Variants in TRIM33 observed in about 807,000 individuals in gnomAD.
TRIM33 encodes the protein E3 ubiquitin-protein ligase TRIM33.
TRIM33 carries 20 observed loss-of-function variants against 125.4 expected under a neutral mutation model. That is an observed-to-expected ratio of 0.16 (90% CI 0.11 to 0.23). The LOEUF is 0.23. TRIM33 is among the 10% of genes least tolerant of loss of function. The probability of loss-of-function intolerance (pLI) is 1.00; values close to 1 mark genes in which losing one functional copy is unlikely to be tolerated. For missense variants in TRIM33, 920 were observed against 1,411.4 expected, an observed-to-expected ratio of 0.65 and a Z score of 5.58; for synonymous variants, 564 against 513.9, an observed-to-expected ratio of 1.10 and a Z score of -1.32.
chr1:114,478,895 A>C (rs1363400465), intron 1 of TRIM33, among the ~76,000 whole-genome samples: 1 of 152,150 alleles, frequency 6.6e-6, no homozygotes, highest in African/African-American at 2.4e-5. Context: ...AAAAACACAA[A>C]AAATTAGCCA....
At chr1:114,438,452 A>G (rs1648445312) in intron 4 of TRIM33, among the ~76,000 whole-genome samples, 1 of 152,172 alleles carries the variant, frequency 6.6e-6, no homozygotes, top group Non-Finnish European at 1.5e-5. Flanking sequence ...CACTCACTCC[A>G]TCCCTTAGAC....
At chr1:114,432,643 G>A (rs1322012181) in intron 5 of TRIM33, among the ~76,000 whole-genome samples, 3 of 152,072 alleles carry the variant, frequency 2.0e-5, no homozygotes, top group Non-Finnish European at 2.9e-5. Context: ...AAAATTAGCC[G>A]AGCATGGTGG....
chr1:114,459,624 T>C (rs1289894488), intron 4 of TRIM33, among the ~76,000 whole-genome samples: 2 of 152,092 alleles, frequency 1.3e-5, no homozygotes, highest in Non-Finnish European at 1.5e-5. Context: ...TTAAATAAAA[T>C]GTTGTCTAGT....
rs538515305 is a variant in TRIM33, at chr1:114,487,669, G to A, written c.526+22882C>T. On this transcript the variant is annotated intron_variant, in intron 1 of 19. Transcript: ENST00000358465. ...TCCCAGCACTTTGGGAGGCCGAGGC[G>A]GGTGGATCATGAGGTCAGGAGATCG... Among the ~76,000 whole-genome samples, 38 of 150,538 alleles carry A rather than the reference G, an allele frequency of 2.5e-4. 1 individual carries two copies. The South Asian group carries it at 6.5e-3, about 26-fold the overall frequency.
At chr1:114,487,346 A>G (rs1220319075) in intron 1 of TRIM33, among the ~76,000 whole-genome samples, 1 of 151,518 alleles carries the variant, frequency 6.6e-6, no homozygotes, top group Non-Finnish European at 1.5e-5. Flanking sequence ...GGCCAAAAAA[A>G]AAAAAAAAAA....
chr1:114,456,983 G>A (rs1649666185), intron 4 of TRIM33, among the ~76,000 whole-genome samples: 1 of 152,138 alleles, frequency 6.6e-6, no homozygotes, highest in Non-Finnish European at 1.5e-5. Context: ...ATACTCAACA[G>A]AGAAAGAAAA....
intron 11 of TRIM33, among the ~76,000 whole-genome samples, chr1:114,410,579 C>T (rs1652519841): frequency 6.6e-6 from 1 of 152,168 alleles, no homozygotes; most frequent in South Asian, 2.1e-4. Flanking sequence ...AGCTGACATG[C>T]TCTGACACTT....
chr1:114,479,636 C>T (rs1408164860), intron 1 of TRIM33, among the ~76,000 whole-genome samples: 1 of 152,114 alleles, frequency 6.6e-6, no homozygotes. Flanking sequence ...GTCAGGATGA[C>T]AGGAAATAAA....
At chr1:114,467,925 TAGAG>T (rs771619242) in intron 1 of TRIM33, among the ~76,000 whole-genome samples, 60 of 152,268 alleles carry the variant, frequency 3.9e-4, no homozygotes, top group Non-Finnish European at 4.6e-4. Context: ...TATTTTCAGA[TAGAG>T]AGGGGAGTTG....
At chr1:114,415,540 TA>T (rs544791725) in intron 11 of TRIM33, among the ~76,000 whole-genome samples, 56 of 151,800 alleles carry the variant, frequency 3.7e-4, no homozygotes, top group African/African-American at 1.3e-3. Flanking sequence ...TTATCTCATA[TA>T]AAGTTTATTC....
chr1:114,481,310 T>A (rs567183200), intron 1 of TRIM33, among the ~76,000 whole-genome samples: 1 of 152,126 alleles, frequency 6.6e-6, no homozygotes, highest in African/African-American at 2.4e-5. Context: ...ATTAAAACCA[T>A]AGGCCAGATG....
intron 1 of TRIM33, 143 bp from the exon 2 acceptor site, chr1:114,464,531 A>ATT: frequency 2.1e-6 from 1 of 478,052 alleles, no homozygotes; most frequent in Non-Finnish European, 3.7e-6. Flanking sequence ...CCAGCGAGTT[A>ATT]TTCCATTTGG....
chr1:114,440,910 G>A (rs1025343563), intron 4 of TRIM33, among the ~76,000 whole-genome samples: 1 of 152,156 alleles, frequency 6.6e-6, no homozygotes, highest in African/African-American at 2.4e-5. Context: ...CAATCACAAC[G>A]CACATTTTTA....
rs200753721 is a variant in TRIM33 at position 114,462,020 on chromosome 1, AT to A, written c.923+1083del. Among the ~76,000 whole-genome samples, 920 of 152,312 alleles carry A rather than the reference AT, an allele frequency of 6.0e-3. 3 individuals carry two copies. The highest frequency in any genetic ancestry group is 0.013 in the African/African-American group (524 of 41,562). ...ATACCCTATGGAAGAAAATGAGCAT[AT>A]GGGTTAAGAAGAGATCTGGAGTCTG... On this transcript the variant is annotated intron_variant, in intron 4 of 19. Transcript: ENST00000358465.
intron 4 of TRIM33, among the ~76,000 whole-genome samples, chr1:114,453,170 C>A (rs529700178): frequency 7.9e-5 from 12 of 152,114 alleles, no homozygotes; most frequent in African/African-American, 2.4e-4. Flanking sequence ...TTGAGACCAG[C>A]CTGACCAACA....
At chr1:114,478,417 TCAAC>T (rs1461942380) in intron 1 of TRIM33, among the ~76,000 whole-genome samples, 1 of 152,052 alleles carries the variant, frequency 6.6e-6, no homozygotes, top group Non-Finnish European at 1.5e-5. Flanking sequence ...AAGCAGCAGA[TCAAC>T]CACATTAATA....
intron 1 of TRIM33, among the ~76,000 whole-genome samples, chr1:114,498,537 T>C (rs1199748998): frequency 6.6e-6 from 1 of 151,898 alleles, no homozygotes; most frequent in Non-Finnish European, 1.5e-5. Flanking sequence ...TAGTTCCAGC[T>C]CCTCAGCAGG....
chr1:114,506,090 C>G (rs1381126648), intron 1 of TRIM33, among the ~76,000 whole-genome samples: 1 of 152,044 alleles, frequency 6.6e-6, no homozygotes, highest in African/African-American at 2.4e-5. Context: ...AGCTAACTAA[C>G]AGCAGAACCG....
At chr1:114,422,554 C>T (rs945492565) in intron 10 of TRIM33, among the ~76,000 whole-genome samples, 3 of 152,072 alleles carry the variant, frequency 2.0e-5, no homozygotes, top group Non-Finnish European at 4.4e-5. Context: ...TCCTTTTCCA[C>T]CACTTTCGCA....
Sources: allele counts gnomAD v4.1 joint callset (sites outside exome capture counted in the v4.1 genomes callset), GRCh38; gene constraint gnomAD v4.1.1; transcripts MANE v1.5; gene names NCBI Gene and HGNC (gene_info 2026-07-23, HGNC 2026-07-21).